THSD7B: variants seen among roughly 807,000 people sequenced by gnomAD.
The protein encoded by THSD7B is thrombospondin type-1 domain-containing protein 7B.
A neutral mutation model predicts 213.6 loss-of-function variants in THSD7B; 138 were observed. The observed-to-expected ratio is 0.65, with a 90% CI of 0.56 to 0.74. The LOEUF is 0.74. THSD7B is among the 30% of genes least tolerant of loss of function. The probability of loss-of-function intolerance (pLI) is 0.00; values close to 1 mark genes in which losing one functional copy is unlikely to be tolerated. For missense variants in THSD7B, 1,931 were observed against 1,991.5 expected, an observed-to-expected ratio of 0.97 and a Z score of 0.58; for synonymous variants, 742 against 687.0, an observed-to-expected ratio of 1.08 and a Z score of -1.25.
At chr2:137,076,062 G>A (rs575955830) in intron 3 of THSD7B, among the ~76,000 whole-genome samples, 70 of 152,252 alleles carry the variant, frequency 4.6e-4, no homozygotes, top group African/African-American at 1.2e-3. Context: ...CAGTCTGCCC[G>A]TTCTCAGATC....
At chr2:137,446,496 C>A (rs1687543078) in intron 14 of THSD7B, among the ~76,000 whole-genome samples, 1 of 151,984 alleles carries the variant, frequency 6.6e-6, no homozygotes, top group Non-Finnish European at 1.5e-5. Context: ...AGTATTAATG[C>A]ATCCTATTCA....
chr2:137,107,852 C>T (rs10496767), intron 4 of THSD7B, among the ~76,000 whole-genome samples: 102,552 of 152,076 alleles, frequency 0.67, 36,283 homozygotes, highest in Middle Eastern at 0.81. Flanking sequence ...AGTAGCTTTC[C>T]GTAATCAATA....
At chr2:137,402,000 A>G (rs1188870774) in intron 12 of THSD7B, among the ~76,000 whole-genome samples, 2 of 152,218 alleles carry the variant, frequency 1.3e-5, no homozygotes, top group Non-Finnish European at 2.9e-5. Flanking sequence ...TGACCAAGAA[A>G]CAAATGAGGC....
At chr2:137,255,846 C>T (rs1211688695) in intron 10 of THSD7B, among the ~76,000 whole-genome samples, 1 of 152,052 alleles carries the variant, frequency 6.6e-6, no homozygotes, top group Non-Finnish European at 1.5e-5. Flanking sequence ...TGCGTGCCAC[C>T]ACGCCTGATT....
At chr2:137,399,010 G>A (rs1032294031) in intron 12 of THSD7B, among the ~76,000 whole-genome samples, 13 of 152,036 alleles carry the variant, frequency 8.6e-5, no homozygotes, top group Non-Finnish European at 1.2e-4. Context: ...GCAATGCCTC[G>A]CCCTGCTTCG....
At chr2:137,367,771 T>A (rs1033447058) in intron 12 of THSD7B, among the ~76,000 whole-genome samples, 45 of 152,144 alleles carry the variant, frequency 3.0e-4, no homozygotes, top group African/African-American at 1.1e-3. Context: ...CTTCTTGATA[T>A]GTGGCCTTTC....
chr2:137,434,779 C>G (rs1687258250), intron 14 of THSD7B, among the ~76,000 whole-genome samples: 1 of 152,182 alleles, frequency 6.6e-6, no homozygotes, highest in Non-Finnish European at 1.5e-5. Flanking sequence ...TGATGTACGT[C>G]TCCTCTACTC....
intron 15 of THSD7B, among the ~76,000 whole-genome samples, chr2:137,518,995 C>G (rs942464216): frequency 1.3e-5 from 2 of 152,174 alleles, no homozygotes; most frequent in East Asian, 1.9e-4. Flanking sequence ...CGCCTGTAAT[C>G]CCAGCACTTT....
At chr2:136,917,867 A>G (rs567639513) in intron 2 of THSD7B, among the ~76,000 whole-genome samples, 1 of 152,338 alleles carries the variant, frequency 6.6e-6, no homozygotes, top group South Asian at 2.1e-4. Flanking sequence ...TAAAGTCTCA[A>G]GTATAGTATC....
intron 9 of THSD7B, 23 bp from the exon 10 acceptor site, chr2:137,242,434 A>T (rs1199270016): frequency 6.3e-7 from 1 of 1,582,262 alleles, no homozygotes; most frequent in Non-Finnish European, 8.7e-7. Context: ...AAAGGCATTG[A>T]CATGGTCTTT....
At chr2:137,482,542 A>G (rs576605946) in intron 15 of THSD7B, among the ~76,000 whole-genome samples, 3 of 152,342 alleles carry the variant, frequency 2.0e-5, no homozygotes, top group East Asian at 3.9e-4. Flanking sequence ...CACAGAAAGT[A>G]CAGTACATGA....
At chr2:137,117,472 A>G (rs1389668055) in intron 5 of THSD7B, among the ~76,000 whole-genome samples, 1 of 152,156 alleles carries the variant, frequency 6.6e-6, no homozygotes, top group Non-Finnish European at 1.5e-5. Flanking sequence ...AATTATTAAT[A>G]TTATTGTTGT....
chr2:136,937,911 G>A (rs1684761146), intron 2 of THSD7B, among the ~76,000 whole-genome samples: 4 of 152,174 alleles, frequency 2.6e-5, no homozygotes, highest in African/African-American at 9.6e-5. Context: ...TCATTATCAA[G>A]CATATAGCCT....
intron 12 of THSD7B, among the ~76,000 whole-genome samples, chr2:137,330,700 C>T (rs971472859): frequency 5.9e-5 from 9 of 152,094 alleles, no homozygotes; most frequent in East Asian, 3.9e-4. Context: ...GTGAGTGTTA[C>T]GGCTCATAAA....
intron 17 of THSD7B, among the ~76,000 whole-genome samples, chr2:137,589,170 T>G (rs1348864541): frequency 1.3e-5 from 2 of 152,234 alleles, no homozygotes; most frequent in Middle Eastern, 3.2e-3. Context: ...TTTTCACTTT[T>G]TTGGCTATTT....
At chr2:137,607,671 T>C (rs991176986) in intron 17 of THSD7B, among the ~76,000 whole-genome samples, 13 of 152,190 alleles carry the variant, frequency 8.5e-5, no homozygotes, top group African/African-American at 2.9e-4. Flanking sequence ...TTTTGGAGAA[T>C]TCAGCCCAGC....
intron 5 of THSD7B, among the ~76,000 whole-genome samples, chr2:137,152,403 T>A (rs1679835832): frequency 6.6e-6 from 1 of 152,208 alleles, no homozygotes; most frequent in Non-Finnish European, 1.5e-5. Context: ...TAATTTTTCT[T>A]GCAAATACAA....
chr2:136,963,641 A>G (rs1484395735), intron 2 of THSD7B, among the ~76,000 whole-genome samples: 1 of 152,164 alleles, frequency 6.6e-6, no homozygotes, highest in African/African-American at 2.4e-5. Flanking sequence ...GTCAGGCACT[A>G]TCTCTAAAAA....
intron 2 of THSD7B, among the ~76,000 whole-genome samples, chr2:136,948,894 G>A (rs1384813141): frequency 1.3e-5 from 2 of 149,904 alleles, no homozygotes; most frequent in Admixed American, 1.3e-4. Context: ...TTGTTCTTAT[G>A]TGGTAATAAT....
Sources: allele counts gnomAD v4.1 joint callset (sites outside exome capture counted in the v4.1 genomes callset), GRCh38; gene constraint gnomAD v4.1.1; transcripts MANE v1.5; gene names NCBI Gene and HGNC (gene_info 2026-07-23, HGNC 2026-07-21).